Variants in PLEKHH2 observed in about 807,000 individuals in gnomAD.
The protein encoded by PLEKHH2 is pleckstrin homology, MyTH4 and FERM domain containing H2.
A neutral mutation model predicts 187.9 loss-of-function variants in PLEKHH2; 129 were observed. The observed-to-expected ratio is 0.69, with a 90% CI of 0.59 to 0.79. The LOEUF is 0.79. Among genes scored for constraint, PLEKHH2 ranks in the 30% least tolerant of loss-of-function variants. PLEKHH2 has a pLI of 0.00. For missense variants in PLEKHH2, 2,076 were observed against 1,751.2 expected, an observed-to-expected ratio of 1.19 and a Z score of -3.31; for synonymous variants, 686 against 605.6, an observed-to-expected ratio of 1.13 and a Z score of -1.95.
In PLEKHH2 at chr2:43,757,267, A is replaced by T. The variant is rs1572668885; in HGVS notation, c.3941+3A>T. On this transcript the variant is annotated splice_donor_region_variant and intron_variant, in intron 26 of 29. Coordinates refer to ENST00000282406, the MANE Select transcript of PLEKHH2 (RefSeq NM_172069.4). ...GGCTGTTCTGAAGAGCAGTTAAGGT[A>T]AGGAAATCTTTGTAACTCTTTATAG... 6.4e-7 allele frequency: 1 copy of T among 1,550,610 alleles called. No homozygotes were observed. Among genetic ancestry groups the T allele is most frequent in the Non-Finnish European group, 8.7e-7 (1 of 1,155,538 alleles).
Position 43,676,980 on chromosome 2 carries a change from T to C in PLEKHH2, c.124-1883T>C, listed in dbSNP as rs374416770. On this transcript the variant is annotated intron_variant, in intron 2 of 29. Transcript: ENST00000282406. ...TTTCCTCTTAGATTTATTTTCTTGT[T>C]CTTAATATATGTTAATCCATAATTT... Among the ~76,000 whole-genome samples the C allele has an allele frequency of 1.1e-4, 16 of 152,308 alleles. No individual in the cohort carries two copies. In the East Asian group the frequency reaches 1.5e-3, roughly 15 times the overall value.
chr2:43,724,982 G>C lies in PLEKHH2; in HGVS notation c.2542-1290G>C, dbSNP rs956605165. 1.1e-4 allele frequency among the ~76,000 whole-genome samples: 16 copies of C among 152,308 alleles called. No individual in the cohort carries two copies. In the South Asian group the frequency reaches 3.3e-3, roughly 32 times the overall value. On this transcript the variant is annotated intron_variant, in intron 16 of 29. Coordinates refer to ENST00000282406, the MANE Select transcript of PLEKHH2 (RefSeq NM_172069.4). ...AGAGTGAGTTTAGAGCAGGAGTTTA[G>C]TAGATAGTGCAAAAGGAAAGAACAC...
chr2:43,697,142 A>G (rs751731754), intron 6 of PLEKHH2, 29 bp from the exon 7 acceptor site: 3 of 1,513,212 alleles, frequency 2.0e-6, no homozygotes, highest in Non-Finnish European at 1.8e-6. Flanking sequence ...AAAAAATTCA[A>G]ATCTTAATTT....
At chr2:43,703,449 T>G (rs1669488811) in intron 8 of PLEKHH2, among the ~76,000 whole-genome samples, 1 of 152,238 alleles carries the variant, frequency 6.6e-6, no homozygotes, top group Admixed American at 6.5e-5. Context: ...TACATTGACA[T>G]AGGAAGGCGA....
At chr2:43,752,618 A>G (rs998092226) in intron 24 of PLEKHH2, among the ~76,000 whole-genome samples, 1 of 152,206 alleles carries the variant, frequency 6.6e-6, no homozygotes, top group African/African-American at 2.4e-5. Context: ...CAGTTACTGT[A>G]TCTAAATCTC....
chr2:43,760,228 T>C (rs902271187), intron 27 of PLEKHH2, among the ~76,000 whole-genome samples: 1 of 152,174 alleles, frequency 6.6e-6, no homozygotes, highest in African/African-American at 2.4e-5. Context: ...ATATTGCTTT[T>C]CAAATTACGT....
chr2:43,655,799 G>A (rs1416004659), intron 2 of PLEKHH2, among the ~76,000 whole-genome samples: 2 of 152,094 alleles, frequency 1.3e-5, no homozygotes, highest in Non-Finnish European at 2.9e-5. Context: ...ACAGCTCCTT[G>A]AGCTTTGCAA....
At chr2:43,668,033 T>C (rs1453359928) in intron 2 of PLEKHH2, among the ~76,000 whole-genome samples, 1 of 152,106 alleles carries the variant, frequency 6.6e-6, no homozygotes, top group Non-Finnish European at 1.5e-5. Context: ...TTCTTTTTTG[T>C]TGTTGTTGTT....
At chr2:43,678,303 G>T (rs889370681) in intron 2 of PLEKHH2, among the ~76,000 whole-genome samples, 3 of 152,050 alleles carry the variant, frequency 2.0e-5, no homozygotes, top group South Asian at 4.2e-4. Flanking sequence ...CTTCCCAGAC[G>T]GGGTGGCGGC....
intron 21 of PLEKHH2, 71 bp downstream of exon 21, chr2:43,741,114 A>T: frequency 7.3e-7 from 1 of 1,368,990 alleles, no homozygotes; most frequent in South Asian, 1.3e-5. Flanking sequence ...ATAAGTATTT[A>T]ACGATCTGCC....
chr2:43,686,340 G>A (rs913061605), intron 3 of PLEKHH2, among the ~76,000 whole-genome samples: 7 of 152,146 alleles, frequency 4.6e-5, no homozygotes, highest in African/African-American at 1.4e-4. Context: ...GGGAATACAG[G>A]TGCATGCCAC....
In PLEKHH2 at chr2:43,680,925, G is replaced by C. The variant is rs1389148249; in HGVS notation, c.186+2000G>C. 5 of 716,174 alleles carry C rather than the reference G, an allele frequency of 7.0e-6. 1 individual carries two copies. The highest frequency in any genetic ancestry group is 1.1e-5 in the Non-Finnish European group (5 of 435,892). The allele number at this position is 716,174 out of a possible 1,614,324, so 44.4% of individuals were successfully genotyped here. A position where few individuals can be genotyped will look rare whatever the true frequency, so the allele number is the denominator to read the frequency against. ...TCTGCCTGGTTGAAATTTATGTCCA[G>C]GGCCACTTTAGTTGCAATTATTTTT... On this transcript the variant is annotated intron_variant, in intron 3 of 29. Coordinates refer to ENST00000282406, the MANE Select transcript of PLEKHH2 (RefSeq NM_172069.4).
chr2:43,750,624 T>C (rs988588805), intron 24 of PLEKHH2, among the ~76,000 whole-genome samples: 1 of 152,216 alleles, frequency 6.6e-6, no homozygotes, highest in Non-Finnish European at 1.5e-5. Context: ...TTGTATGCAT[T>C]CTTACATAAT....
In PLEKHH2 at chr2:43,760,359, CTT is replaced by C. The variant is rs763777313; in HGVS notation, c.4071+1350_4071+1351del. 1.3e-4 allele frequency among the ~76,000 whole-genome samples: 16 copies of C among 119,046 alleles called. 1 individual carries two copies. The highest frequency in any genetic ancestry group is 1.5e-4 in the Non-Finnish European group (9 of 59,312). The allele number at this position is 119,046 out of a possible 152,430, so 78.1% of individuals were successfully genotyped here. On this transcript the variant is annotated intron_variant, in intron 27 of 29. Transcript: ENST00000282406. ...CACATAATGAAATTTACCCTTTAAC[CTT>C]TTTTTTTTTTTTTTTTTTTGAGACG... is the stretch of plus-strand genomic sequence containing the variant.
At chr2:43,757,050 T>C (rs1268116680) in intron 25 of PLEKHH2, 69 bp from the exon 26 acceptor site, 5 of 1,253,474 alleles carry the variant, frequency 4.0e-6, no homozygotes, top group Non-Finnish European at 5.3e-6. Context: ...TTAGAAAAAA[T>C]AAAACTAACT....
intron 24 of PLEKHH2, 73 bp downstream of exon 24, chr2:43,746,036 T>G (rs1450967431): frequency 1.1e-6 from 1 of 911,754 alleles, no homozygotes; most frequent in Non-Finnish European, 1.6e-6. Flanking sequence ...ACTATTTACC[T>G]TTCTATTGAA....
intron 16 of PLEKHH2, among the ~76,000 whole-genome samples, chr2:43,723,753 A>G (rs1246782827): frequency 6.6e-6 from 1 of 152,174 alleles, no homozygotes; most frequent in African/African-American, 2.4e-5. Flanking sequence ...GCCACCCTTC[A>G]GCTTTTGCTC....
intron 6 of PLEKHH2, among the ~76,000 whole-genome samples, chr2:43,696,355 T>TA (rs1285581318): frequency 1.3e-5 from 2 of 151,846 alleles, no homozygotes; most frequent in Non-Finnish European, 2.9e-5. Flanking sequence ...CACACACCTA[T>TA]ACTCTCAGCT....
At chr2:43,696,580 T>C (rs915490864) in intron 6 of PLEKHH2, among the ~76,000 whole-genome samples, 3 of 151,868 alleles carry the variant, frequency 2.0e-5, no homozygotes, top group African/African-American at 7.3e-5. Flanking sequence ...TTTACTCACC[T>C]CCTCTTTTTT....
Sources: allele counts gnomAD v4.1 joint callset (sites outside exome capture counted in the v4.1 genomes callset), GRCh38; gene constraint gnomAD v4.1.1; transcripts MANE v1.5; gene names NCBI Gene and HGNC (gene_info 2026-07-23, HGNC 2026-07-21).